The following ARAP2 variants were observed in gnomAD, a reference collection of about 807,000 sequenced individuals.
ARAP2 encodes ArfGAP with RhoGAP domain, ankyrin repeat and PH domain 2, also known as arf-GAP with Rho-GAP domain, ANK repeat and PH domain-containing protein 2.
ARAP2 carries 148 observed loss-of-function variants against 194.5 expected under a neutral mutation model. That is an observed-to-expected ratio of 0.76 (90% confidence interval 0.67 to 0.87). The LOEUF (loss-of-function observed/expected upper bound fraction) is 0.87. Ranked by LOEUF, ARAP2 falls within the 40% of genes least tolerant of loss-of-function variation. The pLI is 0.00. For missense variants in ARAP2, 2,128 were observed against 1,989.7 expected (o/e 1.07, Z -1.32); for synonymous variants, 695 against 683.5 (o/e 1.02, Z -0.26).
At chr4:36,048,714 G>C (rs1012842206) in intron 3 of ARAP2, among the ~76,000 whole-genome samples, 21 of 151,896 alleles carry the variant, frequency 1.4e-4, no homozygotes, top group Non-Finnish European at 2.1e-4. Flanking sequence ...TATTTCTCTG[G>C]GTATATAGCC....
At chr4:36,036,906 C>G (rs1720024875) in intron 5 of ARAP2, among the ~76,000 whole-genome samples, 1 of 152,052 alleles carries the variant, frequency 6.6e-6, no homozygotes, top group Non-Finnish European at 1.5e-5. Flanking sequence ...AAGTTTCACC[C>G]TTTGGTTCTT....
At chr4:36,050,166 T>C (rs1722432300) in intron 3 of ARAP2, among the ~76,000 whole-genome samples, 1 of 152,206 alleles carries the variant, frequency 6.6e-6, no homozygotes, top group Non-Finnish European at 1.5e-5. Context: ...AATCTTACTT[T>C]AATAACTCTA....
At chr4:36,187,821 C>T (rs1336898256) in intron 7 of ARAP2, among the ~76,000 whole-genome samples, 1 of 152,158 alleles carries the variant, frequency 6.6e-6, no homozygotes. Flanking sequence ...GGGAAAGAAT[C>T]AAATACAAAC....
chr4:36,027,356 T>C (rs1284671471), intron 5 of ARAP2, among the ~76,000 whole-genome samples: 1 of 151,896 alleles, frequency 6.6e-6, no homozygotes, highest in Non-Finnish European at 1.5e-5. Context: ...GCTACCATGC[T>C]TCCTCCCATA....
At chr4:36,055,490 A>G (rs932986906) in intron 2 of ARAP2, among the ~76,000 whole-genome samples, 15 of 152,050 alleles carry the variant, frequency 9.9e-5, no homozygotes, top group African/African-American at 3.6e-4. Context: ...TCCTGATTCA[A>G]CTCAGCAGTC....
At chr4:36,125,249 T>C (rs1723614582) in intron 21 of ARAP2, among the ~76,000 whole-genome samples, 2 of 152,012 alleles carry the variant, frequency 1.3e-5, no homozygotes, top group Non-Finnish European at 2.9e-5. Flanking sequence ...TATATTTTTT[T>C]ATCTTCTACT....
chr4:36,094,586 T>C (rs1043859645), intron 27 of ARAP2, among the ~76,000 whole-genome samples: 2 of 152,132 alleles, frequency 1.3e-5, no homozygotes, highest in East Asian at 3.9e-4. Context: ...AATAAAATTA[T>C]AGAATTCCCA....
chr4:36,088,209 A>G (rs1386462624), intron 28 of ARAP2, among the ~76,000 whole-genome samples: 1 of 152,104 alleles, frequency 6.6e-6, no homozygotes, highest in Non-Finnish European at 1.5e-5. Flanking sequence ...GCCAACTGCA[A>G]AAGTGATCCT....
At chr4:36,114,771 C>T (rs1720928042) in intron 25 of ARAP2, among the ~76,000 whole-genome samples, 1 of 151,952 alleles carries the variant, frequency 6.6e-6, no homozygotes, top group Non-Finnish European at 1.5e-5. Flanking sequence ...TGCCAAGTGA[C>T]AGATGGTGGG....
chr4:36,136,783 A>ATGTGTT (rs1553916013), intron 19 of ARAP2, among the ~76,000 whole-genome samples: 4 of 143,802 alleles, frequency 2.8e-5, no homozygotes, highest in African/African-American at 1.1e-4. Context: ...AATCAAATAT[A>ATGTGTT]TGTGTGTGTG....
intron 5 of ARAP2, among the ~76,000 whole-genome samples, chr4:36,039,164 G>A (rs1247410685): frequency 6.6e-6 from 1 of 152,168 alleles, no homozygotes; most frequent in East Asian, 1.9e-4. Flanking sequence ...TGCAAACAGT[G>A]GCACCTGCAG....
At chr4:36,149,853 T>C (rs915655911) in intron 16 of ARAP2, among the ~76,000 whole-genome samples, 9 of 152,208 alleles carry the variant, frequency 5.9e-5, no homozygotes, top group African/African-American at 2.2e-4. Context: ...ATGTTCAATG[T>C]AGTTTTATGT....
chr4:36,133,460 T>C, intron 19 of ARAP2, 71 bp from the exon 20 acceptor site: 1 of 1,359,630 alleles, frequency 7.4e-7, no homozygotes, highest in Non-Finnish European at 1.0e-6. Context: ...CAAGACAGAT[T>C]ACCCTAAAAT....
chr4:36,182,195 G>A (rs1739437478), intron 8 of ARAP2, among the ~76,000 whole-genome samples: 3 of 152,092 alleles, frequency 2.0e-5, no homozygotes, highest in Admixed American at 6.6e-5. Flanking sequence ...TTTACTCTCA[G>A]TAAGATGCAG....
chr4:36,187,377 C>T, intron 8 of ARAP2, 74 bp downstream of exon 8: 1 of 820,596 alleles, frequency 1.2e-6, no homozygotes, highest in Non-Finnish European at 1.7e-6. Context: ...TCTTGACATT[C>T]CTAGTCTAAC....
At position 36,234,492 on chromosome 4, in the gene ARAP2, C is replaced by T. The variant is rs541725310; in HGVS notation, c.-159-4847G>A. 2.0e-5 allele frequency among the ~76,000 whole-genome samples: 3 copies of T among 152,286 alleles called. No homozygotes were observed. In the East Asian group the frequency reaches 5.8e-4, roughly 29 times the overall value. On this transcript the variant is annotated intron_variant, in intron 1 of 32. Coordinates refer to ENST00000303965, the MANE Select transcript of ARAP2 (RefSeq NM_015230.4). ...GGGAGCGGGGGGTGGGGGACACACA[C>T]ATTCAGACCATAGCAAGTGTTTAAC...
Position 36,045,533 on chromosome 4 carries a change from TG to T in ARAP2, n.607+445del, listed in dbSNP as rs1350685172. Reference sequence around the variant, plus strand: ...GAGTGGAATGGTGGTTATCAGAGGCTGGGGGGTTGGAAAGAATGAGGAAAGA... The same window carrying T: ...GAGTGGAATGGTGGTTATCAGAGGCTGGGGGTTGGAAAGAATGAGGAAAGA... On this transcript the variant is annotated intron_variant and non_coding_transcript_variant, in intron 5 of 12. Coordinates refer to the ARAP2 transcript ENST00000503225. Among the ~76,000 whole-genome samples, 9 of 152,152 alleles carry T rather than the reference TG, an allele frequency of 5.9e-5. No homozygotes were observed. In the East Asian group the frequency reaches 1.4e-3, roughly 23 times the overall value.
intron 1 of ARAP2, chr4:36,243,510 A>G (rs1383179531): frequency 6.6e-6 from 1 of 152,124 alleles, no homozygotes; most frequent in Non-Finnish European, 1.5e-5. Flanking sequence ...AAGGCTATAT[A>G]ATCCACGAAC....
downstream of ARAP2, among the ~76,000 whole-genome samples, chr4:36,064,795 C>T (rs563164728): frequency 1.8e-4 from 28 of 152,288 alleles, no homozygotes; most frequent in Middle Eastern, 3.4e-3. Flanking sequence ...GGCTCCCCAC[C>T]TCTTGGGTCA....
Sources: allele counts gnomAD v4.1 joint callset (sites outside exome capture counted in the v4.1 genomes callset), GRCh38; gene constraint gnomAD v4.1.1; transcripts MANE v1.5; gene names NCBI Gene and HGNC (gene_info 2026-07-23, HGNC 2026-07-21).